DIP2A: variants seen among roughly 807,000 people sequenced by gnomAD.
DIP2A encodes DIP2 acetate--CoA ligase A, also known as disco-interacting protein 2 homolog A.
Under a neutral mutation model 177.4 loss-of-function variants are expected in DIP2A, and 85 were observed. The observed-to-expected ratio is 0.48, with a 90% CI of 0.40 to 0.57. DIP2A has a LOEUF of 0.57. Ranked by LOEUF, DIP2A falls within the 20% of genes least tolerant of loss-of-function variation. DIP2A has a pLI of 0.00. For missense variants in DIP2A, 1,791 were observed against 2,100.2 expected (o/e 0.85, Z 2.88); for synonymous variants, 886 against 881.8 (o/e 1.00, Z -0.08).
At position 46,545,240 on chromosome 21, in the gene DIP2A, T is replaced by C; in HGVS notation, c.2280T>C (p.Tyr760=). 7 of 1,602,910 alleles carry C rather than the reference T, an allele frequency of 4.4e-6. No homozygotes were observed. Among genetic ancestry groups the C allele is most frequent in the Non-Finnish European group, 6.0e-6 (7 of 1,172,010 alleles). Residue 760 remains tyrosine, a synonymous_variant, in exon 19 of 38, where the codon TAT becomes TAC. Coordinates refer to ENST00000417564, the MANE Select transcript of DIP2A (RefSeq NM_015151.4). ...CCAGTGCAACTGGCACAGCGTACTA[T>C]GGATTGCTTGGAATCACGAAGAATG... is the stretch of plus-strand genomic sequence containing the variant. ...VSSSATGTAY[Y]GLLGITKNVF...
chr21:46,524,631 A>G (rs2058983175), intron 8 of DIP2A, among the ~76,000 whole-genome samples: 1 of 152,164 alleles, frequency 6.6e-6, no homozygotes, highest in Non-Finnish European at 1.5e-5. Flanking sequence ...AAGTGAAAGC[A>G]AGTTTATTAA....
intron 1 of DIP2A, chr21:46,469,204 A>G (rs1306094290): frequency 3.9e-5 from 6 of 152,242 alleles, no homozygotes; most frequent in Admixed American, 3.9e-4. Context: ...CACCTTGCAC[A>G]TTTTAGGCAT....
At position 46,458,970 on chromosome 21, in the gene DIP2A, G is replaced by A. The variant is rs1258227821; in HGVS notation, c.-162G>A. ...GCCATCCGCGCTCGTGCCCGCGCGG[G>A]TGCGTTGCTGTCCTGGCCGCGCCCC... On this transcript the variant is annotated 5_prime_UTR_variant, in exon 1 of 38. It adds an upstream start codon to the 5' untranslated region. Transcript: ENST00000417564. 2 of 451,134 alleles carry A rather than the reference G, an allele frequency of 4.4e-6. No individual in the cohort carries two copies. The highest frequency in any genetic ancestry group is 3.9e-5 in the East Asian group (1 of 25,936). The allele number at this position is 451,134 out of a possible 1,614,324, so 27.9% of individuals were successfully genotyped here.
chr21:46,558,572 T>C, intron 32 of DIP2A, 179 bp downstream of exon 32: 1 of 662,338 alleles, frequency 1.5e-6, no homozygotes, highest in Non-Finnish European at 2.6e-6. Context: ...AAAGATGTTC[T>C]ATTCTAGTTG....
intron 5 of DIP2A, 174 bp from the exon 6 acceptor site, chr21:46,504,187 C>T (rs771006298): frequency 2.8e-4 from 226 of 815,112 alleles, no homozygotes; most frequent in South Asian, 5.7e-4. Context: ...TCTGGGAGTT[C>T]ATAGGGTCCC....
intron 8 of DIP2A, among the ~76,000 whole-genome samples, chr21:46,513,019 T>G (rs2058383686): frequency 6.6e-6 from 1 of 152,128 alleles, no homozygotes; most frequent in African/African-American, 2.4e-5. Context: ...TTTGCAAATG[T>G]CTCCTCACTA....
At chr21:46,465,082 G>A (rs976859823) in intron 1 of DIP2A, among the ~76,000 whole-genome samples, 1 of 152,052 alleles carries the variant, frequency 6.6e-6, no homozygotes, top group Non-Finnish European at 1.5e-5. Context: ...AAGAAACTTT[G>A]AGGGAATATT....
intron 1 of DIP2A, among the ~76,000 whole-genome samples, chr21:46,470,878 A>T (rs2055309477): frequency 6.6e-6 from 1 of 151,108 alleles, no homozygotes; most frequent in East Asian, 1.9e-4. Flanking sequence ...GCAGTGAGCC[A>T]AGATAATACC....
intron 4 of DIP2A, 65 bp downstream of exon 4, chr21:46,497,172 T>C (rs1329793091): frequency 6.5e-7 from 1 of 1,548,298 alleles, no homozygotes; most frequent in African/African-American, 1.4e-5. Context: ...TGTTATCCTA[T>C]TTACTTCCCA....
At chr21:46,581,865 G>A in the DIP2A span, among the ~76,000 whole-genome samples, 4 of 152,104 alleles carry the variant, frequency 2.6e-5, no homozygotes, top group African/African-American at 7.2e-5. Context: ...TGGTGGGAAC[G>A]CTCCCGTATA....
intron 32 of DIP2A, 46 bp downstream of exon 32, chr21:46,558,439 C>A (rs1422167543): frequency 3.3e-6 from 5 of 1,536,800 alleles, no homozygotes; most frequent in Non-Finnish European, 4.4e-6. Flanking sequence ...CTGTTGGCAG[C>A]ATGGAGACCC....
chr21:46,540,634 G>A (rs9306157), intron 17 of DIP2A, among the ~76,000 whole-genome samples: 46,344 of 152,028 alleles, frequency 0.3, 7,249 homozygotes, highest in East Asian at 0.42. Context: ...AGGTGTCTTA[G>A]CCTCAATTGT....
At chr21:46,531,590 A>G (rs565497464) in intron 9 of DIP2A, among the ~76,000 whole-genome samples, 19 of 152,378 alleles carry the variant, frequency 1.2e-4, no homozygotes, top group African/African-American at 3.8e-4. Context: ...TTGCAAGAGA[A>G]TCTCTTTGGT....
chr21:46,471,490 G>A (rs759043515), intron 1 of DIP2A, among the ~76,000 whole-genome samples: 8 of 152,196 alleles, frequency 5.3e-5, no homozygotes, highest in Non-Finnish European at 1.2e-4. Context: ...TGTGCAGTGA[G>A]CTTGCTTCTG....
At chr21:46,510,169 C>G (rs1413206138) in intron 7 of DIP2A, among the ~76,000 whole-genome samples, 1 of 152,190 alleles carries the variant, frequency 6.6e-6, no homozygotes, top group Non-Finnish European at 1.5e-5. Context: ...AGTCCCAGTG[C>G]TGAAGTACTT....
chr21:46,532,738 G>A (rs1220387588), intron 10 of DIP2A, among the ~76,000 whole-genome samples: 1 of 152,072 alleles, frequency 6.6e-6, no homozygotes, highest in East Asian at 1.9e-4. Context: ...ATGACCGTAG[G>A]CAGTTTCTGT....
At chr21:46,512,685 T>A (rs2058364648) in intron 8 of DIP2A, among the ~76,000 whole-genome samples, 1 of 151,804 alleles carries the variant, frequency 6.6e-6, no homozygotes, top group Non-Finnish European at 1.5e-5. Flanking sequence ...CAGGCTAGAG[T>A]GCAGTGGTGC....
chr21:46,472,904 A>G (rs1488501974), intron 1 of DIP2A, among the ~76,000 whole-genome samples: 1 of 152,182 alleles, frequency 6.6e-6, no homozygotes, highest in African/African-American at 2.4e-5. Context: ...CTACGATGGG[A>G]AAGTTCTGTG....
At chr21:46,564,842 G>A (rs941936793) in intron 35 of DIP2A, among the ~76,000 whole-genome samples, 1 of 152,212 alleles carries the variant, frequency 6.6e-6, no homozygotes, top group African/African-American at 2.4e-5. Context: ...CCTGAGTGTG[G>A]CTGGTGTGAG....
Sources: gnomAD v4.1 joint callset for allele counts (sites outside exome capture counted in the v4.1 genomes callset) on GRCh38, gnomAD v4.1.1 for gene constraint, MANE v1.5 for transcripts, NCBI Gene and HGNC (gene_info 2026-07-23, HGNC 2026-07-21) for gene names.